RUVBL1: variants seen among roughly 807,000 people sequenced by gnomAD.
RUVBL1 encodes the protein RuvB like AAA ATPase 1.
Under a neutral mutation model 52.4 loss-of-function variants are expected in RUVBL1, and 4 were observed. That is an observed-to-expected ratio of 0.08 (90% CI 0.04 to 0.17). The LOEUF (loss-of-function observed/expected upper bound fraction) is 0.17. Ranked by LOEUF, RUVBL1 falls within the 10% of genes least tolerant of loss-of-function variation. The pLI is 1.00. For synonymous variants in RUVBL1, 217 were observed against 214.4 expected, an observed-to-expected ratio of 1.01 and a Z score of -0.10; for missense variants, 298 against 572.8, an observed-to-expected ratio of 0.52 and a Z score of 4.90.
chr3:128,073,620 C>T (rs976603151), intron 9 of RUVBL1, among the ~76,000 whole-genome samples: 7 of 152,238 alleles, frequency 4.6e-5, no homozygotes, highest in African/African-American at 1.7e-4. Flanking sequence ...GCCCCAATCC[C>T]TTCTAGGGCC....
chr3:128,098,830 T>C, intron 7 of RUVBL1, 52 bp downstream of exon 7: 10 of 1,492,320 alleles, frequency 6.7e-6, no homozygotes, highest in South Asian at 1.1e-5. Flanking sequence ...CATCTCAGAA[T>C]GTGGGGCCCT....
At chr3:128,113,429 T>C (rs1943441560) in intron 2 of RUVBL1, among the ~76,000 whole-genome samples, 1 of 152,166 alleles carries the variant, frequency 6.6e-6, no homozygotes, top group African/African-American at 2.4e-5. Flanking sequence ...ACTCCAAAGA[T>C]CATGTTATCA....
At chr3:128,069,273 CTGGCCACGTGTGGCCAGTG>C (rs1223782822) in intron 9 of RUVBL1, among the ~76,000 whole-genome samples, 1 of 152,256 alleles carries the variant, frequency 6.6e-6, no homozygotes, top group East Asian at 1.9e-4. Flanking sequence ...TCACAGTCCC[CTGGCCACGTGTGGCCAGTG>C]TGGCCACTGC....
In RUVBL1 at chr3:128,153,683, C is replaced by G. The variant is rs565711771; in HGVS notation, c.-520G>C. The G allele has an allele frequency of 2.5e-6, 4 of 1,592,974 alleles. No homozygotes were observed. In the South Asian group the frequency reaches 3.3e-5, roughly 13 times the overall value. On this transcript the variant is annotated 5_prime_UTR_variant, in exon 1 of 10. Coordinates refer to the RUVBL1 transcript ENST00000464873. ...CTGGGCTTCTCGTGCTTCTCGGTGC[C>G]GCTGCCCGCGCGCCTGCGGTCGTCT...
intron 9 of RUVBL1, among the ~76,000 whole-genome samples, chr3:128,068,458 T>G (rs1942050825): frequency 6.6e-6 from 1 of 152,192 alleles, no homozygotes; most frequent in South Asian, 2.1e-4. Context: ...TCCTGGCATC[T>G]GAGCGCATTT....
At chr3:128,101,722 C>CAAA in intron 4 of RUVBL1, 74 bp from the exon 5 acceptor site, 1 of 1,456,266 alleles carries the variant, frequency 6.9e-7, no homozygotes, top group East Asian at 2.3e-5. Context: ...GGTACCTTTC[C>CAAA]GTAAGGGATC....
Position 128,067,614 on chromosome 3 carries a change from T to C in RUVBL1, c.940-2394A>G, listed in dbSNP as rs1942021231. On this transcript the variant is annotated intron_variant, in intron 9 of 9. Coordinates refer to the RUVBL1 transcript ENST00000464873. The surrounding 1 kb of genome is among the most constrained non-coding windows in gnomAD (Gnocchi z 4.1). Reference sequence around the variant, plus strand: ...GTCTCAGGTTCCTCTGCCAAAGATGTAAGTAGAAGCAAAACTTTCTGGAAG... The same window carrying C: ...GTCTCAGGTTCCTCTGCCAAAGATGCAAGTAGAAGCAAAACTTTCTGGAAG... The C allele has an allele frequency of 6.2e-7, 1 of 1,606,130 alleles. No homozygotes were observed. The highest frequency in any genetic ancestry group is 8.5e-7 in the Non-Finnish European group (1 of 1,175,624).
Position 128,065,219 on chromosome 3 carries a change from ACCTG to A in RUVBL1, c.940-3_940del. ...ACAAGCATGTTCATTGAGTCATGGG[ACCTG>A]CCATTAACGAAACAAAATTAAGGCA... On this transcript the variant is annotated splice_acceptor_variant and splice_polypyrimidine_tract_variant and coding_sequence_variant and intron_variant, in exon 10 of 10. Coordinates refer to the RUVBL1 transcript ENST00000464873. LOFTEE classifies it high-confidence loss of function. The A allele has an allele frequency of 1.4e-6, 1 of 707,662 alleles. No homozygotes were observed. Among genetic ancestry groups the A allele is most frequent in the Non-Finnish European group, 2.5e-6 (1 of 400,550 alleles). 43.8% of individuals were successfully genotyped at this position (707,662 alleles called of 1,614,324 possible).
intron 1 of RUVBL1, among the ~76,000 whole-genome samples, chr3:128,150,857 T>TATTC (rs1559841509): frequency 1.1e-4 from 9 of 81,434 alleles, no homozygotes; most frequent in African/African-American, 4.7e-4. Flanking sequence ...ATTCTATATA[T>TATTC]TATATATTAT....
At chr3:128,087,998 C>A (rs1391644097) in intron 8 of RUVBL1, among the ~76,000 whole-genome samples, 190 bp from the exon 9 acceptor site, 4 of 152,102 alleles carry the variant, frequency 2.6e-5, no homozygotes, top group African/African-American at 9.7e-5. Context: ...GTGGCTCACA[C>A]CTGTAAATCC....
At chr3:128,143,835 T>C (rs1461485322) in intron 1 of RUVBL1, among the ~76,000 whole-genome samples, 1 of 151,996 alleles carries the variant, frequency 6.6e-6, no homozygotes, top group Non-Finnish European at 1.5e-5. Flanking sequence ...CCTCGAGACC[T>C]GGAAGAAAGG....
At chr3:128,150,846 TATTC>T (rs1944183969) in intron 1 of RUVBL1, among the ~76,000 whole-genome samples, 8 of 86,356 alleles carry the variant, frequency 9.3e-5, no homozygotes, top group East Asian at 3.0e-4. Flanking sequence ...ATTCTATATA[TATTC>T]TATATATTAT....
intron 1 of RUVBL1, among the ~76,000 whole-genome samples, chr3:128,150,755 C>CTATATTATATATCCTA (rs1559841298): frequency 2.0e-4 from 20 of 100,568 alleles, no homozygotes; most frequent in African/African-American, 7.8e-4. Flanking sequence ...TATATATTCT[C>CTATATTATATATCCTA]TATATATTCT....
intron 1 of RUVBL1, among the ~76,000 whole-genome samples, chr3:128,145,631 G>C (rs887075587): frequency 2.6e-5 from 4 of 152,006 alleles, no homozygotes; most frequent in Non-Finnish European, 5.9e-5. Context: ...GGAGAGAAAC[G>C]GAGAGGAGCA....
intron 1 of RUVBL1, among the ~76,000 whole-genome samples, chr3:128,151,173 CTA>C (rs1221626956): frequency 6.2e-5 from 8 of 128,812 alleles, no homozygotes; most frequent in Admixed American, 9.3e-5. Context: ...TATATATACT[CTA>C]TATACATTCT....
intron 1 of RUVBL1, among the ~76,000 whole-genome samples, chr3:128,146,426 G>A (rs541302857): frequency 5.9e-5 from 9 of 151,890 alleles, no homozygotes; most frequent in African/African-American, 1.9e-4. Flanking sequence ...GTCTCTGTGC[G>A]TGTGCACGGG....
intron 9 of RUVBL1, chr3:128,066,874 A>G (rs1427988128): frequency 6.5e-6 from 9 of 1,384,920 alleles, no homozygotes; most frequent in Non-Finnish European, 2.0e-6. Flanking sequence ...CCCACTGGAC[A>G]GTCCCCGGCC....
intron 9 of RUVBL1, among the ~76,000 whole-genome samples, chr3:128,073,579 C>T (rs2107660033): frequency 6.6e-6 from 1 of 152,318 alleles, no homozygotes; most frequent in African/African-American, 2.4e-5. Flanking sequence ...CCAGGTGTGC[C>T]CCTAAGTGGT....
At position 128,119,428 on chromosome 3, in the gene RUVBL1, T is replaced by C. The variant is rs374575318; in HGVS notation, c.142-14A>G. ...GACGCCACATGCCTACACACCACAA[T>C]GGAAAGAAATAATAAATCAATATTA... On this transcript the variant is annotated splice_polypyrimidine_tract_variant and intron_variant, in intron 1 of 10. Coordinates refer to ENST00000322623, the MANE Select transcript of RUVBL1 (RefSeq NM_003707.3). 124 of 1,593,670 alleles carry C rather than the reference T, an allele frequency of 7.8e-5. No individual in the cohort carries two copies. Among genetic ancestry groups the C allele is most frequent in the Non-Finnish European group, 1.0e-4 (119 of 1,164,950 alleles).
Sources: gnomAD v4.1 joint callset for allele counts (sites outside exome capture counted in the v4.1 genomes callset) on GRCh38, gnomAD v4.1.1 for gene constraint, Gnocchi (gnomAD v3.1) non-coding constraint, MANE v1.5 for transcripts, NCBI Gene and HGNC (gene_info 2026-07-23, HGNC 2026-07-21) for gene names.